Variants in LOXL2 observed in about 807,000 individuals in gnomAD.
The protein encoded by LOXL2 is lysyl oxidase like 2.
LOXL2 carries 70 observed loss-of-function variants against 93.0 expected under a neutral mutation model. The observed-to-expected ratio is 0.75, with a 90% CI of 0.62 to 0.92. The LOEUF (loss-of-function observed/expected upper bound fraction) is 0.92. LOXL2 is among the 40% of genes least tolerant of loss of function. The pLI, the probability that LOXL2 is intolerant of heterozygous loss-of-function variation, is 0.00. For missense variants in LOXL2, 973 were observed against 1,054.9 expected, an observed-to-expected ratio of 0.92 and a Z score of 1.08; for synonymous variants, 438 against 413.2, an observed-to-expected ratio of 1.06 and a Z score of -0.73.
chr8:23,353,074 AC>A (rs1804122914), intron 3 of LOXL2, among the ~76,000 whole-genome samples: 1 of 151,398 alleles, frequency 6.6e-6, no homozygotes, highest in Non-Finnish European at 1.5e-5. Flanking sequence ...AAAGATGAAA[AC>A]CTTCCCTGAT....
intron 10 of LOXL2, among the ~76,000 whole-genome samples, chr8:23,304,424 C>A (rs896672751): frequency 6.6e-6 from 1 of 152,208 alleles, no homozygotes; most frequent in South Asian, 2.1e-4. Flanking sequence ...TTAGCCCGAT[C>A]CCAACCTGCA....
At chr8:23,386,964 C>T (rs1804774277) in intron 1 of LOXL2, among the ~76,000 whole-genome samples, 1 of 152,138 alleles carries the variant, frequency 6.6e-6, no homozygotes, top group South Asian at 2.1e-4. Flanking sequence ...TGGAGAGTAT[C>T]CTGTTCAAAC....
At chr8:23,402,070 G>A (rs1456332073) in intron 1 of LOXL2, among the ~76,000 whole-genome samples, 3 of 150,870 alleles carry the variant, frequency 2.0e-5, no homozygotes, top group Non-Finnish European at 3.0e-5. Context: ...GCACAAACGC[G>A]CACACACACA....
chr8:23,321,386 G>C (rs12545069), intron 7 of LOXL2, among the ~76,000 whole-genome samples: 110,208 of 152,008 alleles, frequency 0.73, 40,108 homozygotes, highest in Non-Finnish European at 0.76. Flanking sequence ...TCATTTTCTA[G>C]AGAAGACTGG....
intron 1 of LOXL2, among the ~76,000 whole-genome samples, chr8:23,383,043 C>A (rs1368691334): frequency 6.6e-6 from 1 of 152,164 alleles, no homozygotes. Flanking sequence ...TGGTACCTAA[C>A]ATGCCTCTCC....
chr8:23,365,234 G>A (rs962254358), intron 2 of LOXL2: 7 of 152,340 alleles, frequency 4.6e-5, no homozygotes, highest in South Asian at 4.1e-4. Flanking sequence ...TGACCGGCAC[G>A]TTAAGCCCCT....
chr8:23,305,545 C>T lies in LOXL2; in HGVS notation c.1881-2148G>A, dbSNP rs1803216822. On this transcript the variant is annotated intron_variant, in intron 10 of 13. Coordinates refer to ENST00000389131, the MANE Select transcript of LOXL2 (RefSeq NM_002318.3). The stretch of plus-strand genomic sequence containing the variant: ...ACCAGCACTACCCACCCATTCCCCC[C>T]AGGAAATAGAGAGCAGGACTCTGGG... Among the ~76,000 whole-genome samples the T allele has an allele frequency of 2.6e-5, 4 of 151,898 alleles. No individual in the cohort carries two copies. The South Asian group carries it at 8.3e-4, about 32-fold the overall frequency.
intron 7 of LOXL2, among the ~76,000 whole-genome samples, chr8:23,320,917 G>T (rs1259444773): frequency 5.3e-5 from 8 of 151,878 alleles, no homozygotes; most frequent in East Asian, 1.9e-4. Flanking sequence ...AAAAACAAAC[G>T]AATAAAAAAC....
intron 1 of LOXL2, among the ~76,000 whole-genome samples, chr8:23,372,223 T>TA (rs1056873562): frequency 6.7e-6 from 1 of 149,810 alleles, no homozygotes; most frequent in Admixed American, 6.7e-5. Flanking sequence ...TTCTTTTTCT[T>TA]TTTTTTTTTT....
intron 6 of LOXL2, among the ~76,000 whole-genome samples, chr8:23,326,676 C>CCG (rs199927505): frequency 0.023 from 3,507 of 152,202 alleles, 138 homozygotes; most frequent in Admixed American, 0.089. Flanking sequence ...ATTGCTTGAA[C>CCG]CGGGGAGGCA....
At chr8:23,394,724 A>G (rs62501409) in intron 1 of LOXL2, among the ~76,000 whole-genome samples, 81 of 152,258 alleles carry the variant, frequency 5.3e-4, no homozygotes, top group Middle Eastern at 3.4e-3. Context: ...TAGAATTACT[A>G]TATGACCCAG....
intron 1 of LOXL2, among the ~76,000 whole-genome samples, chr8:23,392,626 T>C (rs1010491576): frequency 6.6e-6 from 1 of 152,162 alleles, no homozygotes; most frequent in Non-Finnish European, 1.5e-5. Flanking sequence ...CCATCCTCTT[T>C]AGCATGACAC....
At chr8:23,357,181 T>A (rs1031755067) in intron 3 of LOXL2, among the ~76,000 whole-genome samples, 17 of 152,100 alleles carry the variant, frequency 1.1e-4, no homozygotes, top group African/African-American at 3.6e-4. Context: ...GCAATTCTCC[T>A]GCCTCAGCCT....
intron 7 of LOXL2, among the ~76,000 whole-genome samples, chr8:23,321,487 T>A (rs12543367): frequency 0.73 from 110,285 of 152,100 alleles, 40,144 homozygotes; most frequent in Non-Finnish European, 0.76. Flanking sequence ...AGCATCCTGG[T>A]AACCGTGTGG....
intron 1 of LOXL2, among the ~76,000 whole-genome samples, chr8:23,395,059 T>G (rs1468006281): frequency 2.6e-5 from 4 of 152,042 alleles, no homozygotes; most frequent in Non-Finnish European, 5.9e-5. Flanking sequence ...ATCGAGACCA[T>G]CCTGGCCAAC....
intron 1 of LOXL2, among the ~76,000 whole-genome samples, chr8:23,392,406 TGTCATCCACAGG>T (rs1245573598): frequency 6.6e-6 from 1 of 152,174 alleles, no homozygotes; most frequent in Non-Finnish European, 1.5e-5. Flanking sequence ...ATCAAGGTAA[TGTCATCCACAGG>T]GTAGTGGCAT....
chr8:23,324,267 C>T (rs1304722932), intron 6 of LOXL2, among the ~76,000 whole-genome samples: 2 of 152,160 alleles, frequency 1.3e-5, no homozygotes, highest in Non-Finnish European at 2.9e-5. Flanking sequence ...TGGGGTCAGT[C>T]TCCTTGTGGC....
At position 23,378,593 on chromosome 8, in the gene LOXL2, T is replaced by C. The variant is rs368972238; in HGVS notation, c.-83-10159A>G. Reference sequence around the variant, plus strand: ...CAGGTACACCAATCAGATGTAGCTTTGGTCTTTTCACATAGTCCCATATTT... The same window carrying C: ...CAGGTACACCAATCAGATGTAGCTTCGGTCTTTTCACATAGTCCCATATTT... On this transcript the variant is annotated intron_variant, in intron 1 of 13. Transcript: ENST00000389131. Among the ~76,000 whole-genome samples, 54 of 152,346 alleles carry C rather than the reference T, an allele frequency of 3.5e-4. No individual in the cohort carries two copies. The South Asian group carries it at 7.9e-3, about 22-fold the overall frequency.
intron 5 of LOXL2, among the ~76,000 whole-genome samples, chr8:23,332,311 ACCCCC>A (rs1803699359): frequency 2.7e-5 from 2 of 73,184 alleles, no homozygotes; most frequent in African/African-American, 1.1e-4. Flanking sequence ...ACTCATACAC[ACCCCC>A]TACACACATA....
Sources: allele counts gnomAD v4.1 joint callset (sites outside exome capture counted in the v4.1 genomes callset), GRCh38; gene constraint gnomAD v4.1.1; transcripts MANE v1.5; gene names NCBI Gene and HGNC (gene_info 2026-07-23, HGNC 2026-07-21).